TM6SF1: variants seen among roughly 807,000 people sequenced by gnomAD.
TM6SF1 encodes transmembrane 6 superfamily member 1.
A neutral mutation model predicts 47.1 loss-of-function variants in TM6SF1; 43 were observed. That is an observed-to-expected ratio of 0.91 (90% CI 0.72 to 1.18). The LOEUF (loss-of-function observed/expected upper bound fraction) is 1.18. Ranked by LOEUF, TM6SF1 falls within the 50% of genes most tolerant of loss-of-function variation. The pLI, the probability that TM6SF1 is intolerant of heterozygous loss-of-function variation, is 0.00. For missense variants in TM6SF1, 390 were observed against 449.0 expected, an observed-to-expected ratio of 0.87 and a Z score of 1.19; for synonymous variants, 177 against 166.3, an observed-to-expected ratio of 1.06 and a Z score of -0.49.
At chr15:83,136,400 G>A (rs569176678) in intron 9 of TM6SF1, 81 bp from the exon 10 acceptor site, 1 of 1,273,942 alleles carries the variant, frequency 7.8e-7, no homozygotes, top group African/African-American at 1.5e-5. Context: ...AACGTAGCCT[G>A]AATGAACCAT....
chr15:83,113,981 A>G (rs2034428102), intron 2 of TM6SF1: 1 of 152,266 alleles, frequency 6.6e-6, no homozygotes, highest in Non-Finnish European at 1.5e-5. Flanking sequence ...CCCAATCCAC[A>G]TATAAGAAGC....
At chr15:83,128,104 AAATT>A (rs1432655915) in intron 9 of TM6SF1, 1 of 152,372 alleles carries the variant, frequency 6.6e-6, no homozygotes, top group East Asian at 1.9e-4. Context: ...ACAAGGAAGA[AAATT>A]AATTTTTCTT....
At chr15:83,115,760 A>G (rs770296522) in intron 2 of TM6SF1, 85 bp from the exon 3 acceptor site, 3 of 905,576 alleles carry the variant, frequency 3.3e-6, no homozygotes, top group South Asian at 2.7e-5. Context: ...CATGAAAAAC[A>G]TTCCATTATT....
At chr15:83,124,621 A>T in intron 6 of TM6SF1, 51 bp from the exon 7 acceptor site, 1 of 1,403,724 alleles carries the variant, frequency 7.1e-7, no homozygotes, top group African/African-American at 1.4e-5. Flanking sequence ...CAGATTTCAG[A>T]TTCTTCTTTG....
chr15:83,134,224 CT>C (rs972449463), intron 9 of TM6SF1: 508 of 144,270 alleles, frequency 3.5e-3, no homozygotes, highest in African/African-American at 3.8e-3. Flanking sequence ...GGACATGAAT[CT>C]TTTTTTTTTT....
chr15:83,122,119 C>T lies in TM6SF1; in HGVS notation c.481+116C>T, dbSNP rs1423513913. ...CAAGTGATTCCAAGCTTACTAAAAACCTGTTTTGCAGAATAATTCCTTTTT... is the reference window on the plus strand; with the variant it reads ...CAAGTGATTCCAAGCTTACTAAAAATCTGTTTTGCAGAATAATTCCTTTTT... On this transcript the variant is annotated intron_variant, in intron 5 of 9. Transcript: ENST00000322019. 22 of 858,678 alleles carry T rather than the reference C, an allele frequency of 2.6e-5. No homozygotes were observed. The East Asian group carries it at 4.0e-4, about 16-fold the overall frequency. The allele number at this position is 858,678 out of a possible 1,614,324, so 53.2% of individuals were successfully genotyped here. A position where few individuals can be genotyped will look rare whatever the true frequency, so the allele number is the denominator to read the frequency against.
chr15:83,107,789 G>T lies in TM6SF1; in HGVS notation c.92+17G>T. 6.4e-7 allele frequency: 1 copy of T among 1,568,776 alleles called. No individual in the cohort carries two copies. Among genetic ancestry groups the T allele is most frequent in the African/African-American group, 1.4e-5 (1 of 71,022 alleles). On this transcript the variant is annotated intron_variant, in intron 1 of 9. Transcript: ENST00000322019. This position sits in a 1 kb window ranked among gnomAD's most constrained non-coding sequence, Gnocchi z 5.6. ...CCAGCATGAGTGAGTGAGCCGGCGC[G>T]GCGGGGGTCGCGCCGAGGGGCGGCG...
At chr15:83,108,959 C>G (rs2033910851) in intron 1 of TM6SF1, among the ~76,000 whole-genome samples, 1 of 152,170 alleles carries the variant, frequency 6.6e-6, no homozygotes, top group Non-Finnish European at 1.5e-5. Flanking sequence ...CAATATAGTG[C>G]ATGGGGGACC....
At chr15:83,133,746 G>A (rs1010066219) in intron 9 of TM6SF1, 4 of 152,262 alleles carry the variant, frequency 2.6e-5, no homozygotes, top group Non-Finnish European at 2.9e-5. Flanking sequence ...ACATCACCCA[G>A]GAGAAAACCT....
Position 83,136,771 on chromosome 15 carries a change from T to C in TM6SF1, c.*99T>C, listed in dbSNP as rs2036641657. The C allele has an allele frequency of 1.0e-6, 1 of 986,636 alleles. No individual in the cohort carries two copies. The highest frequency in any genetic ancestry group is 1.5e-6 in the Non-Finnish European group (1 of 667,832). 61.1% of individuals were successfully genotyped at this position (986,636 alleles called of 1,614,324 possible). ...CACTCTCTTCTCATACGTGAGTACT[T>C]AAGAATATGTACATTCTTGCTCTGC... On this transcript the variant is annotated 3_prime_UTR_variant, in exon 10 of 10. Transcript: ENST00000322019.
chr15:83,112,740 C>A, intron 1 of TM6SF1, 57 bp from the exon 2 acceptor site: 1 of 1,266,438 alleles, frequency 7.9e-7, no homozygotes, highest in Non-Finnish European at 1.2e-6. Flanking sequence ...TCAGGAAATT[C>A]CAGGCACCAA....
At chr15:83,117,849 G>C (rs1446450346) in intron 3 of TM6SF1, among the ~76,000 whole-genome samples, 1 of 152,154 alleles carries the variant, frequency 6.6e-6, no homozygotes, top group Non-Finnish European at 1.5e-5. Flanking sequence ...GGGTTGGAAG[G>C]AGGGGACAAA....
At chr15:83,133,594 T>C (rs576608605) in intron 9 of TM6SF1, 2 of 152,240 alleles carry the variant, frequency 1.3e-5, no homozygotes, top group South Asian at 2.1e-4. Context: ...TCTGGAGAAA[T>C]TTCTAGGATC....
In TM6SF1 at chr15:83,107,733, C is replaced by G; in HGVS notation, c.53C>G (p.Pro18Arg). 6.3e-7 allele frequency: 1 copy of G among 1,584,344 alleles called. No individual in the cohort carries two copies. Among genetic ancestry groups the G allele is most frequent in the Non-Finnish European group, 8.6e-7 (1 of 1,166,922 alleles). ...TTCGTGCTGTCCCTCTCGGCCATCC[C>G]GGTCACCTATGTCTTCAACCACCTG... ...GVFVLSLSAIPVTYVFNHLAA... is the reference protein window; with the variant it reads ...GVFVLSLSAIRVTYVFNHLAA... The change falls in exon 1 of 10, where the codon CCG becomes CGG. Residue 18 changes from proline (P) to arginine (R), a missense_variant. Physicochemically the swap from Pro to Arg is moderately radical, Grantham distance 103. Coordinates refer to ENST00000322019, the MANE Select transcript of TM6SF1 (RefSeq NM_023003.5). This position sits in a 1 kb window ranked among gnomAD's most constrained non-coding sequence, Gnocchi z 5.6.
At chr15:83,131,096 AC>A (rs2036204328) in intron 9 of TM6SF1, 1 of 152,080 alleles carries the variant, frequency 6.6e-6, no homozygotes. Flanking sequence ...TGTCTCTCCC[AC>A]CACCACAAAA....
At chr15:83,130,696 T>C (rs1397945594) in intron 9 of TM6SF1, 4 of 152,220 alleles carry the variant, frequency 2.6e-5, no homozygotes. Context: ...ACAATAGATA[T>C]GACCAGAATA....
intron 7 of TM6SF1, among the ~76,000 whole-genome samples, chr15:83,126,043 C>T (rs545592609): frequency 6.6e-6 from 1 of 152,266 alleles, no homozygotes; most frequent in East Asian, 1.9e-4. Context: ...TCTTGCACGG[C>T]CATATCCCCT....
At chr15:83,124,608 T>C in intron 6 of TM6SF1, 64 bp from the exon 7 acceptor site, 1 of 1,237,184 alleles carries the variant, frequency 8.1e-7, no homozygotes, top group Non-Finnish European at 1.2e-6. Flanking sequence ...ACATTTAATG[T>C]TTCAGATTTC....
At chr15:83,128,681 T>C (rs549042664) in intron 9 of TM6SF1, 2 of 152,304 alleles carry the variant, frequency 1.3e-5, no homozygotes, top group East Asian at 1.9e-4. Context: ...AGATTTAATA[T>C]ATAAAATAGG....
Sources: allele counts gnomAD v4.1 joint callset (sites outside exome capture counted in the v4.1 genomes callset), GRCh38; gene constraint gnomAD v4.1.1; non-coding constraint Gnocchi (gnomAD v3.1); transcripts MANE v1.5; gene names NCBI Gene and HGNC (gene_info 2026-07-23, HGNC 2026-07-21).